The following RECQL4 variants were observed in gnomAD, a reference collection of about 807,000 sequenced individuals.
RECQL4 encodes the protein ATP-dependent DNA helicase Q4.
Under a neutral mutation model 128.6 loss-of-function variants are expected in RECQL4, and 158 were observed. That is an observed-to-expected ratio of 1.23 (90% CI 1.08 to 1.40). The LOEUF is 1.40. RECQL4 is among the 40% of genes most tolerant of loss of function. RECQL4 has a pLI of 0.00. For synonymous variants in RECQL4, 996 were observed against 678.9 expected, an observed-to-expected ratio of 1.47 and a Z score of -7.26; for missense variants, 2,293 against 1,649.8, an observed-to-expected ratio of 1.39 and a Z score of -6.75.
rs1815425378 is a variant in RECQL4 at position 144,517,700 on chromosome 8, C to T, written c.84+1G>A. 7.2e-7 allele frequency: 1 copy of T among 1,394,430 alleles called. No homozygotes were observed. Among genetic ancestry groups the T allele is most frequent in the Non-Finnish European group, 9.3e-7 (1 of 1,075,662 alleles). 86.4% of individuals were successfully genotyped at this position (1,394,430 alleles called of 1,614,324 possible). On this transcript the variant is annotated splice_donor_variant, in intron 1 of 20. Transcript: ENST00000617875. LOFTEE classifies it high-confidence loss of function. ...CCCCTCGGCCCCTGGGCAGCCCGCA[C>T]CTGGCTCGGTCGCCGCCCGCGCTGC...
rs768163180 is a variant in RECQL4 at position 144,513,037 on chromosome 8, G to A, written c.2565C>T (p.Cys855=). 2 of 1,575,806 alleles carry A rather than the reference G, an allele frequency of 1.3e-6. No individual in the cohort carries two copies. The highest frequency in any genetic ancestry group is 1.3e-5 in the African/African-American group (1 of 74,218). ...GCTCCGAGGGCGGCCTGGTGCAGGT[G>A]CAGGTGCAGGCTGGGAACACGCGCT... ...LVQRVFPACT[C]TCTRPPSEQE... The change falls in exon 15 of 21, where the codon TGC becomes TGT. Residue 855 remains cysteine (C), a synonymous_variant. Coordinates refer to ENST00000617875, the MANE Select transcript of RECQL4 (RefSeq NM_004260.4).
At position 144,517,069 on chromosome 8, in the gene RECQL4, T is replaced by C. The variant is rs372651895; in HGVS notation, c.335A>G (p.Asn112Ser). ...CCTCACCTGCAGGGTGCCTTTCAGA[T>C]TGGCCTTGAGCCGCTGCCCGTAGTC... ...VPDYGQRLKA[N>S]LKGTLQAGPA... is the part of the protein sequence containing the mutation. Residue 112 changes from asparagine (N) to serine (S), a missense_variant, in exon 4 of 21, where the codon AAT becomes AGT. Asn to Ser is a conservative substitution (Grantham distance 46). Coordinates refer to ENST00000617875, the MANE Select transcript of RECQL4 (RefSeq NM_004260.4). The C allele has an allele frequency of 2.5e-6, 4 of 1,611,364 alleles. No homozygotes were observed. In the African/African-American group the frequency reaches 4.0e-5, roughly 16 times the overall value.
rs1302487162 is a variant in RECQL4, at chr8:144,513,697, G to A, written c.2074C>T (p.Leu692=). ...AGGTTTTGAAAACGTTTGCCTTGCA[G>A]CAGCGTCAACAGTGCCTGATGAGGA... is the stretch of plus-strand genomic sequence containing the variant. The part of the protein sequence containing the change: ...RDTDQALLTL[L]QGKRFQNLDS... The change falls in exon 13 of 21, where the codon CTG becomes TTG. Residue 692 remains leucine, a synonymous_variant. Coordinates refer to ENST00000617875, the MANE Select transcript of RECQL4 (RefSeq NM_004260.4). The A allele has an allele frequency of 9.7e-6, 15 of 1,550,620 alleles. No homozygotes were observed. Among genetic ancestry groups the A allele is most frequent in the African/African-American group, 1.4e-5 (1 of 73,056 alleles).
chr8:144,513,562 A>ATGCCGCACC lies in RECQL4; in HGVS notation c.2200_2200+8dup. 1 of 1,611,006 alleles carries ATGCCGCACC rather than the reference A, an allele frequency of 6.2e-7. No homozygotes were observed. The highest frequency in any genetic ancestry group is 8.5e-7 in the Non-Finnish European group (1 of 1,179,200). ...GTCCACGGGGACACCAGCTCTGTCC[A>ATGCCGCACC]TGCCGCACCTCCAGACCCTGGGACC... On this transcript the variant is annotated intron_variant, in intron 13 of 20. Coordinates refer to ENST00000617875, the MANE Select transcript of RECQL4 (RefSeq NM_004260.4).
chr8:144,517,384 G>A (rs1815326786), intron 3 of RECQL4, 30 bp downstream of exon 3: 2 of 1,541,470 alleles, frequency 1.3e-6, no homozygotes, highest in Admixed American at 1.9e-5. Flanking sequence ...AGGGAAGTGG[G>A]AGGAGGCTGG....
rs1554904773 is a variant in RECQL4, at chr8:144,517,482, TCA to T, written c.143_144del (p.Leu48GlnfsTer88). The T allele has an allele frequency of 3.1e-6, 5 of 1,597,490 alleles. No homozygotes were observed. The highest frequency in any genetic ancestry group is 4.2e-6 in the Non-Finnish European group (5 of 1,176,486). The stretch of plus-strand genomic sequence containing the variant: ...CCGCCGGCCTGGCCCGTGGTACGCT[TCA>T]GAGTGCGGTATTCCCGGTAGAGCGC... ...TRALYREYRTLKRTTGQAGGG... is the reference protein window; with the variant it reads ...TRALYREYRTXKRTTGQAGGG... On this transcript the variant is annotated frameshift_variant, in exon 3 of 21. Transcript: ENST00000617875. LOFTEE classifies it high-confidence loss of function.
Position 144,517,089 on chromosome 8 carries a change from G to A in RECQL4, c.315C>T (p.Tyr105=), listed in dbSNP as rs766643335. ...TCAGATTGGCCTTGAGCCGCTGCCC[G>A]TAGTCCGGCACCGAGCCCTGGCGGC... The part of the protein sequence containing the change: ...GRSRQGSVPD[Y]GQRLKANLKG... The change falls in exon 4 of 21, where the codon TAC becomes TAT. Residue 105 remains tyrosine, a synonymous_variant. Transcript: ENST00000617875. 1.9e-6 allele frequency: 3 copies of A among 1,612,328 alleles called. No individual in the cohort carries two copies. Among genetic ancestry groups the A allele is most frequent in the South Asian group, 2.2e-5 (2 of 91,066 alleles).
In RECQL4 at chr8:144,514,047, G is replaced by A. The variant is rs775127620; in HGVS notation, c.1939C>T (p.Arg647Cys). 2.8e-5 allele frequency: 44 copies of A among 1,581,154 alleles called. No individual in the cohort carries two copies. Among genetic ancestry groups the A allele is most frequent in the African/African-American group, 4.0e-5 (3 of 74,082 alleles). Residue 647 changes from arginine (R) to cysteine (C), a missense_variant, in exon 12 of 21, where the codon CGC (arginine) becomes TGC (cysteine). Physicochemically the swap from Arg to Cys is radical, Grantham distance 180 (BLOSUM62 -3). Coordinates refer to ENST00000617875, the MANE Select transcript of RECQL4 (RefSeq NM_004260.4). Reference protein sequence around the residue: ...FLGLTATATRRTASDVAQHLA... With the variant: ...FLGLTATATRCTASDVAQHLA... The stretch of plus-strand genomic sequence containing the variant: ...TGCTGTGCCACGTCACTGGCAGTGC[G>A]GCGTGTGGCTGTGGCTGTGAGGCCC...
In RECQL4 at chr8:144,515,026, C is replaced by T. The variant is rs372597841; in HGVS notation, c.1530G>A (p.Leu510=). The T allele has an allele frequency of 1.2e-6, 2 of 1,610,386 alleles. No individual in the cohort carries two copies. Among genetic ancestry groups the T allele is most frequent in the Admixed American group, 1.7e-5 (1 of 59,670 alleles). ...AGAGCAGCGCTGGGAGCTGGTAGCACAGGGACTTGCCGGCACCTGTAGGCA... is the reference window on the plus strand; with the variant it reads ...AGAGCAGCGCTGGGAGCTGGTAGCATAGGGACTTGCCGGCACCTGTAGGCA... The part of the protein sequence containing the change: ...LVLPTGAGKS[L]CYQLPALLYS... The change falls in exon 9 of 21, where the codon CTG becomes CTA. Residue 510 remains leucine, a synonymous_variant. Coordinates refer to ENST00000617875, the MANE Select transcript of RECQL4 (RefSeq NM_004260.4).
At position 144,515,990 on chromosome 8, in the gene RECQL4, G is replaced by A. The variant is rs372521987; in HGVS notation, c.1129C>T (p.Gln377Ter). 19 of 1,609,556 alleles carry A rather than the reference G, an allele frequency of 1.2e-5. No homozygotes were observed. Among genetic ancestry groups the A allele is most frequent in the Non-Finnish European group, 1.6e-5 (19 of 1,177,284 alleles). ...GTCCTGGCCCGTCGCTGTCTTACCT[G>A]CTTGCGGAGGAGCCTGCTACGGAGT... ...RALRSRLLRK[Q>*]AWKQKWRKKG... is the part of the protein sequence containing the mutation. The change falls in exon 5 of 21, where the codon CAG (glutamine) becomes TAG (stop). Residue 377 changes from glutamine to a stop codon, truncating the protein, a stop_gained and splice_region_variant. Transcript: ENST00000617875. LOFTEE classifies it high-confidence loss of function.
At position 144,512,764 on chromosome 8, in the gene RECQL4, C is replaced by G. The variant is rs763244862; in HGVS notation, c.2763G>C (p.Glu921Asp). ...QALDMPEEAI[E>D]TLLCYLELHP... The stretch of plus-strand genomic sequence containing the variant: ...GCAGCTCCAGGTAGCACAGCAAAGT[C>G]TCGATGGCTGGGGGCAGAGCAGGGC... The change falls in exon 16 of 21, where the codon GAG becomes GAC. Residue 921 changes from glutamate (E) to aspartate (D), a missense_variant. Physicochemically the swap from Glu to Asp is conservative, Grantham distance 45. Coordinates refer to ENST00000617875, the MANE Select transcript of RECQL4 (RefSeq NM_004260.4). 5.0e-6 allele frequency: 8 copies of G among 1,611,910 alleles called. No individual in the cohort carries two copies. The highest frequency in any genetic ancestry group is 6.8e-6 in the Non-Finnish European group (8 of 1,179,770).
At position 144,511,742 on chromosome 8, in the gene RECQL4, C is replaced by G. The variant is rs2130651747; in HGVS notation, c.3441G>C (p.Leu1147=). The G allele has an allele frequency of 1.2e-6, 2 of 1,612,596 alleles. No individual in the cohort carries two copies. The highest frequency in any genetic ancestry group is 1.7e-6 in the Non-Finnish European group (2 of 1,179,826). ...DQVRCDIRQF[L]SLRPEEKFSS... The stretch of plus-strand genomic sequence containing the variant: ...AGAACTTCTCCTCTGGCCTCAGGGA[C>G]AGGAACTGGCGGATGTCGCAGCGGA... Residue 1147 remains leucine (L), a synonymous_variant, in exon 20 of 21, where the codon CTG becomes CTC. Transcript: ENST00000617875.
At chr8:144,516,944 G>T in intron 4 of RECQL4, 106 bp downstream of exon 4, 2 of 1,480,496 alleles carry the variant, frequency 1.4e-6, no homozygotes, top group Non-Finnish European at 9.1e-7. Flanking sequence ...TGCCCTGGTT[G>T]GCACAGGGGC....
At position 144,512,966 on chromosome 8, in the gene RECQL4, G is replaced by A. The variant is rs137975310; in HGVS notation, c.2636C>T (p.Pro879Leu). The change falls in exon 15 of 21, where the codon CCT becomes CTT. Residue 879 changes from proline (P) to leucine (L), a missense_variant. Physicochemically the swap from Pro to Leu is moderately conservative, Grantham distance 98. Transcript: ENST00000617875. ...GGERPVPKYPPQEAEQLSHQA... is the reference protein window; with the variant it reads ...GGERPVPKYPLQEAEQLSHQA... ...GTGGCTAAGCTGCTCAGCCTCTTGA[G>A]GGGGGTACTTGGGCACAGGCCTCTC... 16 of 1,571,774 alleles carry A rather than the reference G, an allele frequency of 1.0e-5. No homozygotes were observed. The highest frequency in any genetic ancestry group is 2.4e-5 in the East Asian group (1 of 42,500).
At position 144,514,118 on chromosome 8, in the gene RECQL4, G is replaced by A. The variant is rs763124561; in HGVS notation, c.1879-11C>T. 1.1e-5 allele frequency: 17 copies of A among 1,608,520 alleles called. No individual in the cohort carries two copies. In the African/African-American group the frequency reaches 2.3e-4, roughly 21 times the overall value. On this transcript the variant is annotated splice_polypyrimidine_tract_variant and intron_variant, in intron 11 of 20. Coordinates refer to ENST00000617875, the MANE Select transcript of RECQL4 (RefSeq NM_004260.4). ...GCGCTCCCGAAGCACCTGCACCAGAGGCGGCAGTGGTGTGAGGCCGCCCAG... is the reference window on the plus strand; with the variant it reads ...GCGCTCCCGAAGCACCTGCACCAGAAGCGGCAGTGGTGTGAGGCCGCCCAG...
rs540719285 is a variant in RECQL4, at chr8:144,516,377, G to A, written c.742C>T (p.Arg248Cys). 29 of 1,610,242 alleles carry A rather than the reference G, an allele frequency of 1.8e-5. No homozygotes were observed. Among genetic ancestry groups the A allele is most frequent in the Admixed American group, 1.2e-4 (7 of 59,966 alleles). ...CTGCTGGGCTGGGGGCTCCCCACACGGATGCTGACTTCTTGGAAGGCTGAA... is the reference window on the plus strand; with the variant it reads ...CTGCTGGGCTGGGGGCTCCCCACACAGATGCTGACTTCTTGGAAGGCTGAA... ...EASAFQEVSIRVGSPQPSSSG... is the reference protein window; with the variant it reads ...EASAFQEVSICVGSPQPSSSG... Residue 248 changes from arginine to cysteine, a missense_variant, in exon 5 of 21, where the codon CGT becomes TGT. Coordinates refer to ENST00000617875, the MANE Select transcript of RECQL4 (RefSeq NM_004260.4).
chr8:144,511,691 G>C lies in RECQL4; in HGVS notation c.3492C>G (p.Phe1164Leu). The part of the protein sequence containing the change: ...KFSSRAVARI[F>L]HGIGSPCYPA... ...CCTCCCAGGCCTCACCGATGCCGTGGAAGATGCGGGCCACAGCCCTGCTGG... is the reference window on the plus strand; with the variant it reads ...CCTCCCAGGCCTCACCGATGCCGTGCAAGATGCGGGCCACAGCCCTGCTGG... Residue 1164 changes from phenylalanine to leucine, a missense_variant, in exon 20 of 21, where the codon TTC becomes TTG. Transcript: ENST00000617875. 6.2e-7 allele frequency: 1 copy of C among 1,612,448 alleles called. No homozygotes were observed. The highest frequency in any genetic ancestry group is 8.5e-7 in the Non-Finnish European group (1 of 1,179,750).
Position 144,517,448 on chromosome 8 carries a change from C to T in RECQL4, c.179G>A (p.Arg60His), listed in dbSNP as rs1060501374. ...CGCCGCGGGGAGCGACTCGGAGCTG[C>T]GGAGCCCGCCGCCGGCCTGGCCCGT... Reference protein sequence around the residue: ...RTTGQAGGGLRSSESLPAAAE... With the variant: ...RTTGQAGGGLHSSESLPAAAE... The change falls in exon 3 of 21, where the codon CGC becomes CAC. Residue 60 changes from arginine to histidine, a missense_variant. Physicochemically the swap from Arg to His is conservative, Grantham distance 29. Coordinates refer to ENST00000617875, the MANE Select transcript of RECQL4 (RefSeq NM_004260.4). 6.3e-6 allele frequency: 10 copies of T among 1,591,990 alleles called. No homozygotes were observed. The highest frequency in any genetic ancestry group is 8.5e-6 in the Non-Finnish European group (10 of 1,174,262).
In RECQL4 at chr8:144,512,519, C is replaced by T; in HGVS notation, c.2928G>A (p.Glu976=). ...CGGAGCTGCTGCCTTGCCCTGGGTC[C>T]TCAGGCAGCTGCTGGGCCAAGCACA... ...LAVCLAQQLP[E]DPGQGSSSVE... The change falls in exon 17 of 21, where the codon GAG becomes GAA. Residue 976 remains glutamate, a synonymous_variant. Coordinates refer to ENST00000617875, the MANE Select transcript of RECQL4 (RefSeq NM_004260.4). 5.6e-6 allele frequency: 9 copies of T among 1,612,570 alleles called. No individual in the cohort carries two copies. Among genetic ancestry groups the T allele is most frequent in the Non-Finnish European group, 7.6e-6 (9 of 1,179,820 alleles).
Sources: gnomAD v4.1 joint callset for allele counts on GRCh38, gnomAD v4.1.1 for gene constraint, MANE v1.5 for transcripts, NCBI Gene and HGNC (gene_info 2026-07-23, HGNC 2026-07-21) for gene names.